Variants in PAFAH2 observed in about 807,000 individuals in gnomAD.
PAFAH2 encodes platelet activating factor acetylhydrolase 2.
A neutral mutation model predicts 49.0 loss-of-function variants in PAFAH2; 42 were observed. The ratio of observed to expected loss-of-function variants is 0.86; its 90% CI spans 0.67 to 1.11. PAFAH2 has a LOEUF of 1.11. PAFAH2 is among the 50% of genes least tolerant of loss of function. The probability of loss-of-function intolerance (pLI) is 0.00; values close to 1 mark genes in which losing one functional copy is unlikely to be tolerated. For synonymous variants in PAFAH2, 184 were observed against 181.3 expected (o/e 1.01, Z -0.12); for missense variants, 503 against 501.8 (o/e 1.00, Z -0.02).
intron 10 of PAFAH2, among the ~76,000 whole-genome samples, chr1:25,962,929 G>C (rs1373544432): frequency 3.9e-5 from 6 of 152,104 alleles, no homozygotes; most frequent in Non-Finnish European, 5.9e-5. Context: ...GCAAATCCAG[G>C]ACCACTTCAG....
chr1:25,962,587 C>T (rs1369774339), intron 10 of PAFAH2, among the ~76,000 whole-genome samples: 1 of 152,070 alleles, frequency 6.6e-6, no homozygotes, highest in Non-Finnish European at 1.5e-5. Flanking sequence ...CTTTGGGAGG[C>T]TGAGGCAAGA....
chr1:25,985,303 C>T (rs571290480), intron 4 of PAFAH2, among the ~76,000 whole-genome samples: 1 of 152,318 alleles, frequency 6.6e-6, no homozygotes, highest in East Asian at 1.9e-4. Flanking sequence ...GAGACAATGG[C>T]ACACTGAGAA....
chr1:25,961,266 A>T lies in PAFAH2; in HGVS notation c.*723T>A, dbSNP rs1478094545. ...TCTCAACCTGCTTTTGTTGTTTCCT[A>T]TCAAGATACACTTAGCAAAACCCCC... On this transcript the variant is annotated 3_prime_UTR_variant, in exon 11 of 11. Transcript: ENST00000374282. 1 of 152,092 alleles carries T rather than the reference A, an allele frequency of 6.6e-6. No homozygotes were observed. Among genetic ancestry groups the T allele is most frequent in the African/African-American group, 2.4e-5 (1 of 41,400 alleles). 9.4% of individuals were successfully genotyped at this position (152,092 alleles called of 1,614,324 possible). A position where few individuals can be genotyped will look rare whatever the true frequency, so the allele number is the denominator to read the frequency against.
intron 1 of PAFAH2, among the ~76,000 whole-genome samples, chr1:25,992,438 C>T (rs906852689): frequency 2.6e-5 from 4 of 152,220 alleles, no homozygotes; most frequent in East Asian, 1.9e-4. Context: ...AACATTCCTA[C>T]GGCTCAGCTG....
rs1034355978 is a variant in PAFAH2, at chr1:25,983,862, G to A, written c.552+84C>T. 3.5e-6 allele frequency: 5 copies of A among 1,438,270 alleles called. No individual in the cohort carries two copies. The East Asian group carries it at 9.1e-5, about 26-fold the overall frequency. The allele number at this position is 1,438,270 out of a possible 1,614,324, so 89.1% of individuals were successfully genotyped here. ...CCACTATGACTGACATTTCAAGAGA[G>A]GGTTAACTAAAAGTCTTGCTATCAA... On this transcript the variant is annotated intron_variant, in intron 6 of 10. Coordinates refer to ENST00000374282, the MANE Select transcript of PAFAH2 (RefSeq NM_000437.4).
chr1:25,982,964 G>C (rs1307493718), intron 6 of PAFAH2, among the ~76,000 whole-genome samples: 1 of 152,078 alleles, frequency 6.6e-6, no homozygotes, highest in Non-Finnish European at 1.5e-5. Flanking sequence ...CTTCTCCCCA[G>C]GCCTGGAATC....
chr1:25,979,319 C>G (rs76350468), intron 7 of PAFAH2, among the ~76,000 whole-genome samples: 2 of 62,156 alleles, frequency 3.2e-5, no homozygotes, highest in Non-Finnish European at 3.9e-5. Context: ...TTACCAATGC[C>G]TTTTTTTTTT....
In PAFAH2 at chr1:25,974,627, C is replaced by T; in HGVS notation, c.782G>A (p.Trp261Ter). 6 of 1,613,938 alleles carry T rather than the reference C, an allele frequency of 3.7e-6. No homozygotes were observed. The highest frequency in any genetic ancestry group is 5.1e-6 in the Non-Finnish European group (6 of 1,179,900). Residue 261 changes from tryptophan (W) to a stop codon, truncating the protein, a stop_gained, in exon 9 of 11, where the codon TGG (tryptophan) becomes TAG (stop). Transcript: ENST00000374282. LOFTEE classifies it high-confidence loss of function. ...QFRCAVALDA[W>*]MFPLERDFYP... ...AAAGTCACGTTCCAGAGGAAACATC[C>T]AAGCATCCAGAGCCACCGCACACCT... is the stretch of plus-strand genomic sequence containing the variant.
At position 25,972,540 on chromosome 1, in the gene PAFAH2, C is replaced by T. The variant is rs1252903673; in HGVS notation, c.1084+18G>A. On this transcript the variant is annotated intron_variant, in intron 10 of 10. Transcript: ENST00000374282. The stretch of plus-strand genomic sequence containing the variant: ...AGGGACCCCACAGCTGCCCCAAGAG[C>T]CCCAGTTTTCTCCTTACCGAGGTGC... 5 of 1,607,546 alleles carry T rather than the reference C, an allele frequency of 3.1e-6. No individual in the cohort carries two copies. Among genetic ancestry groups the T allele is most frequent in the Non-Finnish European group, 4.3e-6 (5 of 1,175,912 alleles).
chr1:25,969,894 T>C (rs552514743), intron 10 of PAFAH2, among the ~76,000 whole-genome samples: 13 of 152,194 alleles, frequency 8.5e-5, no homozygotes, highest in African/African-American at 1.7e-4. Flanking sequence ...CATTAAAGTC[T>C]TGAGACATGG....
At chr1:25,984,999 C>A (rs1438987829) in intron 4 of PAFAH2, among the ~76,000 whole-genome samples, 1 of 151,940 alleles carries the variant, frequency 6.6e-6, no homozygotes, top group Admixed American at 6.6e-5. Flanking sequence ...GGATTACAGG[C>A]GTGCACCACC....
chr1:25,980,553 C>T (rs1190731823), intron 7 of PAFAH2, among the ~76,000 whole-genome samples: 1 of 150,130 alleles, frequency 6.7e-6, no homozygotes, highest in African/African-American at 2.4e-5. Context: ...GTGATCCACC[C>T]ACCTCAGCCT....
chr1:25,965,928 G>C (rs1269087), intron 10 of PAFAH2, among the ~76,000 whole-genome samples: 21,835 of 143,178 alleles, frequency 0.15, 1,989 homozygotes, highest in East Asian at 0.22. Context: ...GCAGAAACTG[G>C]ACTCAAAAAA....
At chr1:25,977,653 C>CAA (rs534687608) in intron 7 of PAFAH2, among the ~76,000 whole-genome samples, 1,040 of 60,476 alleles carry the variant, frequency 0.017, 20 homozygotes, top group African/African-American at 0.06. Context: ...ACCCTGTCTC[C>CAA]AAAAAAAAAA....
chr1:25,967,409 G>A (rs775833091), intron 10 of PAFAH2, among the ~76,000 whole-genome samples: 8 of 152,184 alleles, frequency 5.3e-5, no homozygotes, highest in Admixed American at 1.3e-4. Context: ...GAGTTGGCAC[G>A]GAAAGCCATT....
chr1:25,972,459 TCTC>T, intron 10 of PAFAH2, 96 bp downstream of exon 10: 8 of 1,356,088 alleles, frequency 5.9e-6, no homozygotes, highest in Non-Finnish European at 8.1e-6. Flanking sequence ...TTGCCATAAA[TCTC>T]CTTCCCAGAT....
At chr1:25,990,589 G>C (rs1380287777) in intron 2 of PAFAH2, 138 bp downstream of exon 2, 1 of 642,932 alleles carries the variant, frequency 1.6e-6, no homozygotes, top group African/African-American at 1.8e-5. Flanking sequence ...AGACAGACCT[G>C]GGGGCTTGAT....
chr1:25,967,960 G>A (rs1415000918), intron 10 of PAFAH2, among the ~76,000 whole-genome samples: 6 of 152,130 alleles, frequency 3.9e-5, no homozygotes, highest in African/African-American at 1.4e-4. Flanking sequence ...GAGGTCAAGA[G>A]TTTGAGTCCA....
intron 7 of PAFAH2, among the ~76,000 whole-genome samples, chr1:25,980,498 G>C (rs1318776276): frequency 6.6e-6 from 1 of 150,996 alleles, no homozygotes; most frequent in African/African-American, 2.4e-5. Flanking sequence ...TAGTAGAGAC[G>C]GGGTTTCGCC....
Sources: gnomAD v4.1 joint callset for allele counts (sites outside exome capture counted in the v4.1 genomes callset) on GRCh38, gnomAD v4.1.1 for gene constraint, MANE v1.5 for transcripts, NCBI Gene and HGNC (gene_info 2026-07-23, HGNC 2026-07-21) for gene names.